The following COLEC10 variants were observed in gnomAD, a reference collection of about 807,000 sequenced individuals.
The protein encoded by COLEC10 is collectin-10.
Under a neutral mutation model 28.4 loss-of-function variants are expected in COLEC10, and 22 were observed. That is an observed-to-expected ratio of 0.78 (90% confidence interval 0.55 to 1.11). The LOEUF (loss-of-function observed/expected upper bound fraction) is 1.11. COLEC10 is among the 50% of genes least tolerant of loss of function. The pLI is 0.00. For synonymous variants in COLEC10, 125 were observed against 116.1 expected, an observed-to-expected ratio of 1.08 and a Z score of -0.49; for missense variants, 361 against 344.1, an observed-to-expected ratio of 1.05 and a Z score of -0.39.
At chr8:119,023,864 A>C (rs949120564) in intron 2 of COLEC10, among the ~76,000 whole-genome samples, 3 of 152,062 alleles carry the variant, frequency 2.0e-5, no homozygotes, top group Non-Finnish European at 2.9e-5. Flanking sequence ...TTAATGGTGC[A>C]AAAGCACGTG....
At chr8:119,054,297 A>G (rs1209622103) in intron 2 of COLEC10, among the ~76,000 whole-genome samples, 1 of 152,122 alleles carries the variant, frequency 6.6e-6, no homozygotes, top group African/African-American at 2.4e-5. Flanking sequence ...TTGAACTGAA[A>G]CCATTGAAAG....
intron 2 of COLEC10, among the ~76,000 whole-genome samples, chr8:119,014,360 G>A (rs923735103): frequency 4.0e-5 from 6 of 149,270 alleles, no homozygotes; most frequent in South Asian, 2.1e-4. Context: ...TAGATTGGTA[G>A]GTCTTTTCCC....
upstream of COLEC10, among the ~76,000 whole-genome samples, chr8:118,992,918 C>T (rs573882700): frequency 9.8e-4 from 149 of 152,158 alleles, no homozygotes; most frequent in Middle Eastern, 3.4e-3. Flanking sequence ...TCATTATGAA[C>T]CTTAATTGTT....
intron 1 of COLEC10, among the ~76,000 whole-genome samples, chr8:119,001,493 C>T (rs1586991158): frequency 6.6e-6 from 1 of 152,070 alleles, no homozygotes; most frequent in Non-Finnish European, 1.5e-5. Flanking sequence ...AGTAGTGATG[C>T]AAAGTAATGG....
At chr8:119,055,041 AG>A (rs1814738755) in intron 2 of COLEC10, among the ~76,000 whole-genome samples, 1 of 152,160 alleles carries the variant, frequency 6.6e-6, no homozygotes, top group Non-Finnish European at 1.5e-5. Flanking sequence ...CCATTAAAAA[AG>A]AAACAGATTA....
chr8:118,994,190 G>A (rs757854884), upstream of COLEC10, among the ~76,000 whole-genome samples: 1 of 152,116 alleles, frequency 6.6e-6, no homozygotes, highest in Non-Finnish European at 1.5e-5. Context: ...TCTTGTAGCT[G>A]GAAGATGCCT....
At chr8:119,094,203 G>A (rs114040308) in intron 3 of COLEC10, among the ~76,000 whole-genome samples, 43 of 152,232 alleles carry the variant, frequency 2.8e-4, no homozygotes, top group African/African-American at 1.0e-3. Context: ...TGTGTGGGCT[G>A]TGGAAAAGAA....
chr8:118,964,413 A>G, the COLEC10 span, among the ~76,000 whole-genome samples: 1 of 152,310 alleles, frequency 6.6e-6, no homozygotes, highest in East Asian at 1.9e-4. Flanking sequence ...CAAATTGAGG[A>G]AGTTAGATAA....
intron 2 of COLEC10, among the ~76,000 whole-genome samples, chr8:119,043,416 A>G (rs539549942): frequency 6.6e-6 from 1 of 152,306 alleles, no homozygotes; most frequent in African/African-American, 2.4e-5. Context: ...GAGCAACCAG[A>G]CAGCGTCTAT....
chr8:119,064,406 T>C (rs920158867), upstream of COLEC10, among the ~76,000 whole-genome samples: 28 of 152,208 alleles, frequency 1.8e-4, no homozygotes, highest in Non-Finnish European at 4.1e-4. Flanking sequence ...CTATTCTTAT[T>C]GTATGCCAGG....
At chr8:119,068,511 C>T (rs969118051) in intron 1 of COLEC10, 4 of 152,028 alleles carry the variant, frequency 2.6e-5, no homozygotes, top group East Asian at 1.9e-4. Context: ...TGCTTAAAAC[C>T]GTTACTGAAG....
At chr8:119,083,276 C>T (rs1433344996) in intron 1 of COLEC10, among the ~76,000 whole-genome samples, 4 of 152,124 alleles carry the variant, frequency 2.6e-5, no homozygotes, top group South Asian at 4.1e-4. Context: ...AAAATAGATT[C>T]GGATTCTTCA....
chr8:119,094,198 G>A (rs1215297862), intron 3 of COLEC10, among the ~76,000 whole-genome samples: 1 of 152,096 alleles, frequency 6.6e-6, no homozygotes, highest in Non-Finnish European at 1.5e-5. Flanking sequence ...CGAAATGTGT[G>A]GGCTGTGGAA....
chr8:119,037,366 A>T (rs541464174), intron 2 of COLEC10, among the ~76,000 whole-genome samples: 3 of 152,360 alleles, frequency 2.0e-5, no homozygotes, highest in African/African-American at 7.2e-5. Context: ...TACATGTAAG[A>T]ATAAATAAGT....
intron 2 of COLEC10, among the ~76,000 whole-genome samples, chr8:119,038,864 C>T (rs1814437320): frequency 6.6e-6 from 1 of 152,122 alleles, no homozygotes. Flanking sequence ...CCTCTCTCTT[C>T]CCTTCTCCCA....
intron 2 of COLEC10, among the ~76,000 whole-genome samples, chr8:119,090,091 T>A (rs1339287646): frequency 5.4e-5 from 2 of 36,734 alleles, no homozygotes; most frequent in East Asian, 1.2e-3. Flanking sequence ...CTAAGCAGCA[T>A]TTTTTTTTTA....
the COLEC10 span, among the ~76,000 whole-genome samples, chr8:118,952,391 C>T: frequency 6.6e-6 from 1 of 152,200 alleles, no homozygotes; most frequent in Non-Finnish European, 1.5e-5. Context: ...GAGTTTCCGC[C>T]GTACCCGGCT....
At chr8:118,960,269 G>A in the COLEC10 span, among the ~76,000 whole-genome samples, 2 of 152,114 alleles carry the variant, frequency 1.3e-5, no homozygotes, top group African/African-American at 4.8e-5. Context: ...GAGAAGGAAA[G>A]GGCTAAGAAA....
At chr8:119,030,851 G>T (rs1368998274) in intron 2 of COLEC10, among the ~76,000 whole-genome samples, 1 of 152,106 alleles carries the variant, frequency 6.6e-6, no homozygotes, top group Non-Finnish European at 1.5e-5. Context: ...GATATTATGT[G>T]CAAAAATACT....
Sources: gnomAD v4.1 joint callset for allele counts (sites outside exome capture counted in the v4.1 genomes callset) on GRCh38, gnomAD v4.1.1 for gene constraint, MANE v1.5 for transcripts, NCBI Gene and HGNC (gene_info 2026-07-23, HGNC 2026-07-21) for gene names.